Variants in ANGPT2 observed in about 807,000 individuals in gnomAD.
ANGPT2 encodes angiopoietin-2.
A neutral mutation model predicts 62.9 loss-of-function variants in ANGPT2; 28 were observed. The ratio of observed to expected loss-of-function variants is 0.44; its 90% CI spans 0.33 to 0.61. The LOEUF is 0.61. ANGPT2 is among the 20% of genes least tolerant of loss of function. The pLI is 0.03. For synonymous variants in ANGPT2, 284 were observed against 207.8 expected (o/e 1.37, Z -3.15); for missense variants, 727 against 594.9 (o/e 1.22, Z -2.31).
In ANGPT2 at chr8:6,521,149, G is replaced by A. The variant is rs756831601; in HGVS notation, c.799+29C>T. The A allele has an allele frequency of 1.4e-5, 22 of 1,583,530 alleles. No individual in the cohort carries two copies. In the East Asian group the frequency reaches 1.8e-4, roughly 13 times the overall value. On this transcript the variant is annotated intron_variant, in intron 4 of 8. Coordinates refer to ENST00000629816, the MANE Select transcript of ANGPT2 (RefSeq NM_001118887.2). ...GTTTTACTGACTAAAGGTTATTAAC[G>A]CTGAAGAAAGCATGATATGTAAACT... is the stretch of plus-strand genomic sequence containing the variant.
chr8:6,527,781 A>T, intron 2 of ANGPT2, 105 bp from the exon 3 acceptor site: 2 of 1,095,800 alleles, frequency 1.8e-6, no homozygotes, highest in Non-Finnish European at 2.5e-6. Flanking sequence ...CATAACAAAA[A>T]CATTATTTAT....
intron 1 of ANGPT2, among the ~76,000 whole-genome samples, chr8:6,552,335 C>T (rs1473883432): frequency 6.6e-6 from 1 of 152,154 alleles, no homozygotes; most frequent in African/African-American, 2.4e-5. Context: ...CAGTGTGTTG[C>T]CCAATGACAG....
At chr8:6,511,899 C>CTTT (rs34089402) in intron 7 of ANGPT2, among the ~76,000 whole-genome samples, 7 of 141,964 alleles carry the variant, frequency 4.9e-5, no homozygotes, top group African/African-American at 1.6e-4. Flanking sequence ...TTTTGTGCTT[C>CTTT]TTTTTTTTTT....
intron 1 of ANGPT2, among the ~76,000 whole-genome samples, chr8:6,555,147 C>G (rs147126927): frequency 6.6e-6 from 1 of 152,184 alleles, no homozygotes; most frequent in Non-Finnish European, 1.5e-5. Context: ...AATCATTCAA[C>G]TTCACATCAT....
rs1282867683 is a variant in ANGPT2, at chr8:6,505,251, TTA to T, written c.1328-1992_1328-1991del. On this transcript the variant is annotated intron_variant, in intron 8 of 8. Coordinates refer to ENST00000629816, the MANE Select transcript of ANGPT2 (RefSeq NM_001118887.2). ...TATGTATATATAGAATATATATTCT[TTA>T]TATATGTTTTATATATATGTATACA... Among the ~76,000 whole-genome samples, 2 of 82,220 alleles carry T rather than the reference TTA, an allele frequency of 2.4e-5. 1 individual carries two copies. The highest frequency in any genetic ancestry group is 5.0e-5 in the Non-Finnish European group (2 of 39,908). 53.9% of individuals were successfully genotyped at this position (82,220 alleles called of 152,430 possible). A position where few individuals can be genotyped will look rare whatever the true frequency, so the allele number is the denominator to read the frequency against.
At chr8:6,513,145 A>C (rs1237159436) in intron 7 of ANGPT2, among the ~76,000 whole-genome samples, 1 of 152,192 alleles carries the variant, frequency 6.6e-6, no homozygotes. Context: ...TTGAAGATAC[A>C]CAGTAAACAC....
At position 6,503,211 on chromosome 8, in the gene ANGPT2, G is replaced by C; in HGVS notation, c.1378C>G (p.Pro460Ala). 1 of 1,614,136 alleles carries C rather than the reference G, an allele frequency of 6.2e-7. No individual in the cohort carries two copies. Among genetic ancestry groups the C allele is most frequent in the East Asian group, 2.2e-5 (1 of 44,884 alleles). ...AACTTATTTGTGTTCTGCCTCTGTGGATAGTACATTCCGTTCAAGTTGGAA... is the reference window on the plus strand; with the variant it reads ...AACTTATTTGTGTTCTGCCTCTGTGCATAGTACATTCCGTTCAAGTTGGAA... ...GPSNLNGMYY[P>A]QRQNTNKFNG... The change falls in exon 9 of 9, where the codon CCA becomes GCA. Residue 460 changes from proline to alanine, a missense_variant. Transcript: ENST00000629816.
chr8:6,499,895 C>G lies in ANGPT2; in HGVS notation c.*3206G>C. On this transcript the variant is annotated 3_prime_UTR_variant, in exon 9 of 9. Transcript: ENST00000629816. ...TTGGGTCACTGGATTTCTGAGGAGC[C>G]GTTCGAACTGTCTCACCACTTCCCT... 1 of 1,613,528 alleles carries G rather than the reference C, an allele frequency of 6.2e-7. No individual in the cohort carries two copies. Among genetic ancestry groups the G allele is most frequent in the Non-Finnish European group, 8.5e-7 (1 of 1,179,980 alleles).
At chr8:6,519,717 G>A (rs1816947350) in intron 5 of ANGPT2, 147 bp downstream of exon 5, 1 of 948,320 alleles carries the variant, frequency 1.1e-6, no homozygotes, top group Admixed American at 2.7e-5. Context: ...AAGCACTCTA[G>A]GCGAGGTAGC....
At chr8:6,534,663 AAATC>A (rs1478176664) in intron 1 of ANGPT2, among the ~76,000 whole-genome samples, 1 of 152,172 alleles carries the variant, frequency 6.6e-6, no homozygotes. Context: ...AAAAAATAAA[AAATC>A]AGTCACTGAT....
At chr8:6,541,206 C>A (rs1417059345) in intron 1 of ANGPT2, among the ~76,000 whole-genome samples, 2 of 152,182 alleles carry the variant, frequency 1.3e-5, no homozygotes, top group African/African-American at 2.4e-5. Context: ...TGAGCAGCAC[C>A]AGAGGGTTTC....
At position 6,563,144 on chromosome 8, in the gene ANGPT2, G is replaced by A. The variant is rs964245374; in HGVS notation, c.-210C>T. On this transcript the variant is annotated 5_prime_UTR_variant, in exon 1 of 9. Coordinates refer to ENST00000629816, the MANE Select transcript of ANGPT2 (RefSeq NM_001118887.2). ...GCATGCAGTAAACTGTCAGATTGCA[G>A]TGGGAAGAACAGTCCTGCTCACTTG... The A allele has an allele frequency of 2.6e-5, 13 of 494,654 alleles. No individual in the cohort carries two copies. The highest frequency in any genetic ancestry group is 4.0e-5 in the Non-Finnish European group (11 of 277,212). 30.6% of individuals were successfully genotyped at this position (494,654 alleles called of 1,614,324 possible).
intron 1 of ANGPT2, among the ~76,000 whole-genome samples, chr8:6,552,906 A>C (rs1823908792): frequency 6.6e-6 from 1 of 152,140 alleles, no homozygotes; most frequent in Non-Finnish European, 1.5e-5. Context: ...ATTCTGGAAA[A>C]GGGAAAACTG....
At chr8:6,509,167 T>A in intron 7 of ANGPT2, 105 bp from the exon 8 acceptor site, 1 of 1,421,128 alleles carries the variant, frequency 7.0e-7, no homozygotes. Flanking sequence ...GCGTGTTCTG[T>A]ACTCGTTAAT....
At chr8:6,552,264 G>A (rs1823774932) in intron 1 of ANGPT2, among the ~76,000 whole-genome samples, 1 of 152,160 alleles carries the variant, frequency 6.6e-6, no homozygotes, top group African/African-American at 2.4e-5. Flanking sequence ...GACTCACACT[G>A]AACCTGAAGG....
At chr8:6,517,043 A>G (rs1221251359) in intron 5 of ANGPT2, among the ~76,000 whole-genome samples, 1 of 152,250 alleles carries the variant, frequency 6.6e-6, no homozygotes, top group Non-Finnish European at 1.5e-5. Flanking sequence ...AAACTGGAGT[A>G]TTATGGTTAA....
chr8:6,525,169 G>C (rs1305404278), intron 3 of ANGPT2, among the ~76,000 whole-genome samples: 1 of 151,976 alleles, frequency 6.6e-6, no homozygotes, highest in Non-Finnish European at 1.5e-5. Context: ...TACATATCTC[G>C]CCCATAAGCA....
chr8:6,513,069 A>G (rs1394686862), intron 7 of ANGPT2, among the ~76,000 whole-genome samples: 1 of 152,242 alleles, frequency 6.6e-6, no homozygotes, highest in Non-Finnish European at 1.5e-5. Flanking sequence ...GGGAACACTT[A>G]CTATTCACTG....
intron 1 of ANGPT2, among the ~76,000 whole-genome samples, chr8:6,559,227 G>GAAA (rs1825129097): frequency 3.4e-5 from 1 of 28,990 alleles, no homozygotes. Flanking sequence ...AGCCACACAC[G>GAAA]ACAACACACA....
Sources: gnomAD v4.1 joint callset for allele counts (sites outside exome capture counted in the v4.1 genomes callset) on GRCh38, gnomAD v4.1.1 for gene constraint, MANE v1.5 for transcripts, NCBI Gene and HGNC (gene_info 2026-07-23, HGNC 2026-07-21) for gene names.